Variants in VGLL4 observed in about 807,000 individuals in gnomAD.
VGLL4 encodes transcription cofactor vestigial-like protein 4.
A neutral mutation model predicts 21.0 loss-of-function variants in VGLL4; 7 were observed. The ratio of observed to expected loss-of-function variants is 0.33; its 90% CI spans 0.19 to 0.63. VGLL4 has a LOEUF of 0.63. VGLL4 is among the 20% of genes least tolerant of loss of function. The pLI, the probability that VGLL4 is intolerant of heterozygous loss-of-function variation, is 0.78. For missense variants in VGLL4, 394 were observed against 425.7 expected (o/e 0.93, Z 0.66); for synonymous variants, 222 against 173.2 (o/e 1.28, Z -2.21).
At chr3:11,659,579 C>G (rs1160204687) in intron 2 of VGLL4, among the ~76,000 whole-genome samples, 1 of 151,866 alleles carries the variant, frequency 6.6e-6, no homozygotes, top group Admixed American at 6.6e-5. Flanking sequence ...GTGATCCCCC[C>G]CGGCTCGGCC....
intron 1 of VGLL4, among the ~76,000 whole-genome samples, chr3:11,705,411 CAGGG>C (rs2076746347): frequency 6.6e-6 from 1 of 152,204 alleles, no homozygotes; most frequent in Admixed American, 6.5e-5. Flanking sequence ...CTAAGAGTGG[CAGGG>C]AGGCAACGAC....
At position 11,556,218 on chromosome 3, in the gene VGLL4, G is replaced by A. The variant is rs1413242758; in HGVS notation, c.*2338C>T. 6.6e-6 allele frequency: 1 copy of A among 152,578 alleles called. No homozygotes were observed. The highest frequency in any genetic ancestry group is 2.4e-5 in the African/African-American group (1 of 41,416). 9.5% of individuals were successfully genotyped at this position (152,578 alleles called of 1,614,324 possible). ...TTACACACATGAAGAGAAGGTCAGA[G>A]CGCACTGCAGGCAGCGCGGCTCTGG... On this transcript the variant is annotated 3_prime_UTR_variant, in exon 5 of 5. Coordinates refer to ENST00000430365, the MANE Select transcript of VGLL4 (RefSeq NM_001128219.3).
At chr3:11,604,357 C>T in intron 1 of VGLL4, 1 of 944,248 alleles carries the variant, frequency 1.1e-6, no homozygotes, top group Non-Finnish European at 1.2e-6. Context: ...TAGCTGGAGG[C>T]AAGAACCCAT....
At chr3:11,691,781 A>T (rs1368461303) in intron 2 of VGLL4, among the ~76,000 whole-genome samples, 3 of 152,152 alleles carry the variant, frequency 2.0e-5, no homozygotes, top group African/African-American at 7.2e-5. Context: ...ATCAGACCAC[A>T]TGGAAAAATC....
At chr3:11,656,372 GGA>G (rs1326180465) in intron 2 of VGLL4, among the ~76,000 whole-genome samples, 4 of 152,308 alleles carry the variant, frequency 2.6e-5, no homozygotes, top group African/African-American at 4.8e-5. Flanking sequence ...TCCAACACAG[GGA>G]GGGATCCACG....
intron 2 of VGLL4, among the ~76,000 whole-genome samples, chr3:11,694,582 A>T (rs1575538005): frequency 6.6e-6 from 1 of 152,078 alleles, no homozygotes; most frequent in East Asian, 1.9e-4. Flanking sequence ...AGATTGTGCC[A>T]CTGTACTCCA....
chr3:11,627,660 T>C (rs987588750), intron 1 of VGLL4, among the ~76,000 whole-genome samples: 5 of 151,600 alleles, frequency 3.3e-5, no homozygotes, highest in Admixed American at 6.6e-5. Context: ...TTACGTTAAA[T>C]GTGTAATTTT....
In VGLL4 at chr3:11,696,306, T is replaced by C. The variant is rs538964304; in HGVS notation, c.64+6665A>G. Among the ~76,000 whole-genome samples, 20 of 152,338 alleles carry C rather than the reference T, an allele frequency of 1.3e-4. No homozygotes were observed. In the South Asian group the frequency reaches 4.1e-3, roughly 32 times the overall value. Reference sequence around the variant, plus strand: ...GCAGTTCCTCCCTATTCTAAGCCTTTATTATTCCTGGGTTTTAGAGTCAGT... The same window carrying C: ...GCAGTTCCTCCCTATTCTAAGCCTTCATTATTCCTGGGTTTTAGAGTCAGT... On this transcript the variant is annotated intron_variant, in intron 2 of 5. Coordinates refer to the VGLL4 transcript ENST00000273038.
chr3:11,694,978 T>C (rs1253671482), intron 2 of VGLL4, among the ~76,000 whole-genome samples: 1 of 152,196 alleles, frequency 6.6e-6, no homozygotes, highest in Non-Finnish European at 1.5e-5. Context: ...GCCAGGCCCA[T>C]TTTTATGCTT....
At chr3:11,682,193 C>A (rs2076382601) in intron 2 of VGLL4, among the ~76,000 whole-genome samples, 2 of 152,122 alleles carry the variant, frequency 1.3e-5, no homozygotes, top group African/African-American at 4.8e-5. Context: ...CACTTGAGGT[C>A]AGGAGTTTGA....
At chr3:11,664,891 TACCAGTA>T (rs2076093745) in intron 2 of VGLL4, among the ~76,000 whole-genome samples, 1 of 152,168 alleles carries the variant, frequency 6.6e-6, no homozygotes, top group African/African-American at 2.4e-5. Flanking sequence ...AGCCAATTCA[TACCAGTA>T]ACTAGTGATC....
In VGLL4 at chr3:11,712,357, C is replaced by A. The variant is rs889179828; in HGVS notation, c.-14+8037G>T. On this transcript the variant is annotated intron_variant, in intron 1 of 5. Coordinates refer to the VGLL4 transcript ENST00000273038. Reference sequence around the variant, plus strand: ...TTGCCTAACTAACTTCCTATGATCACAAGCTTATCACATAGATTAAACGAT... The same window carrying A: ...TTGCCTAACTAACTTCCTATGATCAAAAGCTTATCACATAGATTAAACGAT... Among the ~76,000 whole-genome samples the A allele has an allele frequency of 5.9e-5, 9 of 152,282 alleles. No individual in the cohort carries two copies. The South Asian group carries it at 8.3e-4, about 14-fold the overall frequency.
intron 1 of VGLL4, among the ~76,000 whole-genome samples, chr3:11,716,888 A>T (rs2076925923): frequency 6.6e-6 from 1 of 152,102 alleles, no homozygotes; most frequent in African/African-American, 2.4e-5. Context: ...ACCCACCCAT[A>T]GCTTCATTAA....
chr3:11,708,959 G>A (rs1198056658), intron 1 of VGLL4, among the ~76,000 whole-genome samples: 1 of 152,138 alleles, frequency 6.6e-6, no homozygotes, highest in African/African-American at 2.4e-5. Flanking sequence ...AGCTACTCAG[G>A]AGGCTGAGGC....
At chr3:11,706,176 C>T (rs936669578) in intron 1 of VGLL4, among the ~76,000 whole-genome samples, 5 of 152,114 alleles carry the variant, frequency 3.3e-5, no homozygotes, top group Admixed American at 6.6e-5. Context: ...TCTAGCATAG[C>T]GGAATATTAG....
chr3:11,609,840 G>A (rs1324041699), intron 1 of VGLL4, among the ~76,000 whole-genome samples: 1 of 152,216 alleles, frequency 6.6e-6, no homozygotes, highest in East Asian at 1.9e-4. Context: ...AGGGTGAAAT[G>A]AGAATGTCTT....
chr3:11,664,221 G>A (rs2076076812), intron 2 of VGLL4, among the ~76,000 whole-genome samples: 1 of 152,194 alleles, frequency 6.6e-6, no homozygotes, highest in African/African-American at 2.4e-5. Flanking sequence ...CTGGGCGACA[G>A]ATCAAGAGTC....
chr3:11,574,302 A>T (rs11128553), intron 2 of VGLL4, among the ~76,000 whole-genome samples: 38,466 of 152,104 alleles, frequency 0.25, 6,188 homozygotes, highest in Non-Finnish European at 0.37. Context: ...AAGTTTTTAA[A>T]GCTTCCTCTG....
rs752495534 is a variant in VGLL4, at chr3:11,556,793, A to G, written c.*1763T>C. The G allele has an allele frequency of 5.2e-5, 8 of 152,814 alleles. No individual in the cohort carries two copies. The highest frequency in any genetic ancestry group is 1.2e-4 in the African/African-American group (5 of 41,462). 9.5% of individuals were successfully genotyped at this position (152,814 alleles called of 1,614,324 possible). A position where few individuals can be genotyped will look rare whatever the true frequency, so the allele number is the denominator to read the frequency against. ...TCACCCATATAGAAAAGTGTTCTCA[A>G]CGATTTTTCCTACAGAAAATATAGG... On this transcript the variant is annotated 3_prime_UTR_variant, in exon 5 of 5. Transcript: ENST00000430365.
Sources: allele counts gnomAD v4.1 joint callset (sites outside exome capture counted in the v4.1 genomes callset), GRCh38; gene constraint gnomAD v4.1.1; transcripts MANE v1.5; gene names NCBI Gene and HGNC (gene_info 2026-07-23, HGNC 2026-07-21).